The following KDR variants were observed in gnomAD, a reference collection of about 807,000 sequenced individuals.
KDR encodes the protein vascular endothelial growth factor receptor 2.
KDR carries 43 observed loss-of-function variants against 160.9 expected under a neutral mutation model. That is an observed-to-expected ratio of 0.27 (90% CI 0.21 to 0.34). The LOEUF is 0.34. Ranked by LOEUF, KDR falls within the 10% of genes least tolerant of loss-of-function variation. KDR has a pLI of 1.00. For missense variants in KDR, 1,469 were observed against 1,666.4 expected (o/e 0.88, Z 2.06); for synonymous variants, 617 against 600.1 (o/e 1.03, Z -0.41).
At position 55,109,506 on chromosome 4, in the gene KDR, C is replaced by T. The variant is rs1362274717; in HGVS notation, c.1255+897G>A. Among the ~76,000 whole-genome samples the T allele has an allele frequency of 3.3e-5, 5 of 152,058 alleles. No individual in the cohort carries two copies. In the South Asian group the frequency reaches 6.2e-4, roughly 19 times the overall value. ...AAAATATCCTGAAGTTTTAATATGC[C>T]GTACCAGAAGGGGGAACAAAGAATT... On this transcript the variant is annotated intron_variant, in intron 9 of 29. Transcript: ENST00000263923.
intron 27 of KDR, 38 bp from the exon 28 acceptor site, chr4:55,082,673 T>A (rs1332776213): frequency 6.7e-7 from 1 of 1,494,574 alleles, no homozygotes; most frequent in Non-Finnish European, 9.3e-7. Flanking sequence ...AGTGGTGGTA[T>A]ATTTGACTGC....
rs1383447776 is a variant in KDR, at chr4:55,088,965, G to A, written c.3413C>T (p.Thr1138Ile). 3 of 1,611,934 alleles carry A rather than the reference G, an allele frequency of 1.9e-6. No homozygotes were observed. The highest frequency in any genetic ancestry group is 2.5e-6 in the Non-Finnish European group (3 of 1,178,012). ...CTCCCCGTGCCAGCAGTCCAGCATG[G>A]TCTGGTACCTAGAGAAGCAAAACAC... ...PDYTTPEMYQ[T>I]MLDCWHGEPS... The change falls in exon 26 of 30, where the codon ACC (threonine) becomes ATC (isoleucine). Residue 1138 changes from threonine (T) to isoleucine (I), a missense_variant. Thr to Ile is a moderately conservative substitution (Grantham distance 89, BLOSUM62 -1). This residue lies in a region of KDR where 132 missense variants were observed against 195.9 expected (regional missense o/e 0.67). Coordinates refer to ENST00000263923, the MANE Select transcript of KDR (RefSeq NM_002253.4).
At chr4:55,101,722 C>T (rs41279533) in intron 15 of KDR, among the ~76,000 whole-genome samples, 175 bp downstream of exon 15, 1 of 152,272 alleles carries the variant, frequency 6.6e-6, no homozygotes, top group Non-Finnish European at 1.5e-5. Flanking sequence ...TTGTTCAGCT[C>T]CCACTTATAA....
chr4:55,095,265 G>C (rs189633707), intron 20 of KDR, among the ~76,000 whole-genome samples: 1 of 152,232 alleles, frequency 6.6e-6, no homozygotes, highest in Non-Finnish European at 1.5e-5. Context: ...ACTCCACGGG[G>C]CCAAATATGG....
chr4:55,092,556 A>C, intron 22 of KDR, 61 bp downstream of exon 22: 1 of 1,164,782 alleles, frequency 8.6e-7, no homozygotes, highest in South Asian at 1.2e-5. Flanking sequence ...CTGACACTGG[A>C]CATCTTATTT....
chr4:55,080,133 A>T lies in KDR; in HGVS notation c.3879T>A (p.Ser1293=). 6.2e-7 allele frequency: 1 copy of T among 1,613,710 alleles called. No homozygotes were observed. Among genetic ancestry groups the T allele is most frequent in the Non-Finnish European group, 8.5e-7 (1 of 1,180,044 alleles). Residue 1293 remains serine, a synonymous_variant, in exon 30 of 30, where the codon TCT becomes TCA. Transcript: ENST00000263923. ...TCTGGTTTGAGCCTTCAGATGCCACAGACTCCCTGCTTTTGCTGGGCACCA... is the reference window on the plus strand; with the variant it reads ...TCTGGTTTGAGCCTTCAGATGCCACTGACTCCCTGCTTTTGCTGGGCACCA... The part of the protein sequence containing the change: ...GGMVPSKSRE[S]VASEGSNQTS...
At chr4:55,110,805 T>C (rs747070481) in intron 7 of KDR, 37 bp from the exon 8 acceptor site, 3 of 1,453,854 alleles carry the variant, frequency 2.1e-6, no homozygotes, top group African/African-American at 1.4e-5. Context: ...GTCAACTTAC[T>C]GTAAATGGTC....
Position 55,092,689 on chromosome 4 carries a change from G to A in KDR, c.2997C>T (p.Phe999=), listed in dbSNP as rs776050844. 2 of 1,613,764 alleles carry A rather than the reference G, an allele frequency of 1.2e-6. No individual in the cohort carries two copies. The highest frequency in any genetic ancestry group is 1.1e-5 in the South Asian group (1 of 91,080). ...EEAPEDLYKD[F]LTLEHLICYS... ...AACAGATGAGATGCTCCAAGGTCAG[G>A]AAGTCCTTATACAGATCTTCAGGAG... Residue 999 remains phenylalanine (F), a synonymous_variant, in exon 22 of 30, where the codon TTC becomes TTT. Transcript: ENST00000263923.
intron 9 of KDR, among the ~76,000 whole-genome samples, chr4:55,108,177 A>G (rs1720490057): frequency 6.8e-6 from 1 of 146,654 alleles, no homozygotes; most frequent in Non-Finnish European, 1.5e-5. Flanking sequence ...CCTGGGCCAC[A>G]TGGTGAGACC....
At position 55,118,329 on chromosome 4, in the gene KDR, T is replaced by TA. The variant is rs139958692; in HGVS notation, c.358+274dup. Among the ~76,000 whole-genome samples, 5 of 152,312 alleles carry TA rather than the reference T, an allele frequency of 3.3e-5. No homozygotes were observed. The East Asian group carries it at 9.6e-4, about 29-fold the overall frequency. On this transcript the variant is annotated intron_variant, in intron 3 of 29. Transcript: ENST00000263923. ...TCTTCTCAAACATAGGAAGACTTTT[T>TA]ATAAGTCTCAATGGCCAACAGTGAA...
intron 7 of KDR, among the ~76,000 whole-genome samples, chr4:55,112,468 C>T (rs535856448): frequency 1.1e-3 from 174 of 151,482 alleles, no homozygotes; most frequent in Non-Finnish European, 2.2e-3. Context: ...AGTAGGGCTT[C>T]CAGTCAACAG....
chr4:55,079,601 C>T lies in KDR; in HGVS notation c.*340G>A, dbSNP rs909223353. On this transcript the variant is annotated 3_prime_UTR_variant, in exon 30 of 30. Coordinates refer to ENST00000263923, the MANE Select transcript of KDR (RefSeq NM_002253.4). ...TCTAGTTTTACAGAAGTGTCAGCTC[C>T]CCAGGTACTGCTACTTCTTTGAGGA... 1 of 425,890 alleles carries T rather than the reference C, an allele frequency of 2.3e-6. No homozygotes were observed. The highest frequency in any genetic ancestry group is 2.7e-5 in the South Asian group (1 of 37,582). The allele number at this position is 425,890 out of a possible 1,614,324, so 26.4% of individuals were successfully genotyped here. A position where few individuals can be genotyped will look rare whatever the true frequency, so the allele number is the denominator to read the frequency against.
At chr4:55,113,506 T>C in intron 6 of KDR, 25 bp from the exon 7 acceptor site, 1 of 1,608,396 alleles carries the variant, frequency 6.2e-7, no homozygotes, top group Non-Finnish European at 8.5e-7. Context: ...TGACTGAACT[T>C]CCAAAGCACA....
intron 1 of KDR, 84 bp downstream of exon 1, chr4:55,125,143 C>G: frequency 8.0e-7 from 1 of 1,255,096 alleles, no homozygotes; most frequent in Non-Finnish European, 1.1e-6. Flanking sequence ...TCCAGCTCTA[C>G]GATTCCGAGT....
At position 55,079,310 on chromosome 4, in the gene KDR, C is replaced by A. The variant is rs537356969; in HGVS notation, c.*631G>T. 41 of 235,574 alleles carry A rather than the reference C, an allele frequency of 1.7e-4. No homozygotes were observed. In the South Asian group the frequency reaches 4.4e-3, roughly 25 times the overall value. 14.6% of individuals were successfully genotyped at this position (235,574 alleles called of 1,614,324 possible). ...TTAGCCCAACTCGAAGAACACGCAA[C>A]CTTCTAAAACCAGAAACCCCGTCTG... On this transcript the variant is annotated 3_prime_UTR_variant, in exon 30 of 30. Transcript: ENST00000263923.
At chr4:55,107,601 G>A in intron 10 of KDR, 136 bp downstream of exon 10, 2 of 978,256 alleles carry the variant, frequency 2.0e-6, no homozygotes, top group Middle Eastern at 3.1e-4. Flanking sequence ...GAGAAAGATG[G>A]ATGGAGATTC....
chr4:55,092,505 G>T, intron 22 of KDR, 112 bp downstream of exon 22: 1 of 790,276 alleles, frequency 1.3e-6, no homozygotes, highest in African/African-American at 1.7e-5. Flanking sequence ...AAAAGACGTA[G>T]AAGTGGTGAA....
intron 6 of KDR, among the ~76,000 whole-genome samples, chr4:55,113,783 A>G (rs1720658008): frequency 6.6e-6 from 1 of 152,218 alleles, no homozygotes; most frequent in South Asian, 2.1e-4. Flanking sequence ...GCCACCTCTT[A>G]AAGAGAAATT....
intron 1 of KDR, among the ~76,000 whole-genome samples, chr4:55,122,033 C>T (rs921045159): frequency 4.9e-4 from 75 of 151,654 alleles, no homozygotes; most frequent in African/African-American, 1.7e-3. Flanking sequence ...TTTTTAAAAA[C>T]GTATATAAAT....
Sources: allele counts gnomAD v4.1 joint callset (sites outside exome capture counted in the v4.1 genomes callset), GRCh38; gene constraint gnomAD v4.1.1; regional missense constraint gnomAD v4.1.1; transcripts MANE v1.5; gene names NCBI Gene and HGNC (gene_info 2026-07-23, HGNC 2026-07-21).